ERCC6L2: variants seen among roughly 807,000 people sequenced by gnomAD.
ERCC6L2 encodes ERCC excision repair 6 like 2.
A neutral mutation model predicts 132.0 loss-of-function variants in ERCC6L2; 77 were observed. That is an observed-to-expected ratio of 0.58 (90% CI 0.49 to 0.71). The LOEUF (loss-of-function observed/expected upper bound fraction) is 0.71, where lower values mean the gene tolerates loss of function less well. Ranked by LOEUF, ERCC6L2 falls within the 30% of genes least tolerant of loss-of-function variation. The probability of loss-of-function intolerance (pLI) is 0.00; values close to 1 mark genes in which losing one functional copy is unlikely to be tolerated. For synonymous variants in ERCC6L2, 583 were observed against 632.4 expected (o/e 0.92, Z 1.17); for missense variants, 1,542 against 1,837.6 (o/e 0.84, Z 2.94).
At chr9:95,954,535 C>CA (rs1164590423) in intron 12 of ERCC6L2, among the ~76,000 whole-genome samples, 1 of 152,176 alleles carries the variant, frequency 6.6e-6, no homozygotes, top group Non-Finnish European at 1.5e-5. Flanking sequence ...GGTGAAAACT[C>CA]ATCACTTACA....
chr9:95,982,453 G>A (rs183192326), intron 17 of ERCC6L2, among the ~76,000 whole-genome samples: 5 of 152,134 alleles, frequency 3.3e-5, no homozygotes, highest in Admixed American at 6.6e-5. Flanking sequence ...CAGACTTTGG[G>A]GAGATAGAGC....
At position 95,881,062 on chromosome 9, in the gene ERCC6L2, G is replaced by C; in HGVS notation, c.240G>C (p.Arg80Ser). The C allele has an allele frequency of 6.2e-7, 1 of 1,613,402 alleles. No individual in the cohort carries two copies. The highest frequency in any genetic ancestry group is 2.2e-5 in the East Asian group (1 of 44,844). The change falls in exon 2 of 19, where the codon AGG (arginine) becomes AGC (serine). Residue 80 changes from arginine (R) to serine (S), a missense_variant. Physicochemically the swap from Arg to Ser is moderately radical, Grantham distance 110. Transcript: ENST00000653738. ...TGAAATTTGTTAAAGATTGCCCTAGGAATCTTATATTTGATGATGAAGATT... is the reference window on the plus strand; with the variant it reads ...TGAAATTTGTTAAAGATTGCCCTAGCAATCTTATATTTGATGATGAAGATT... ...QEVKFVKDCP[R>S]NLIFDDEDLE... is the part of the protein sequence containing the mutation.
intron 12 of ERCC6L2, among the ~76,000 whole-genome samples, chr9:95,955,077 A>G (rs1235714503): frequency 6.6e-6 from 1 of 152,232 alleles, no homozygotes; most frequent in Non-Finnish European, 1.5e-5. Flanking sequence ...GGGTGCTCAT[A>G]CAGAGCATCC....
At chr9:95,891,698 C>T (rs1274767558) in intron 2 of ERCC6L2, among the ~76,000 whole-genome samples, 1 of 151,946 alleles carries the variant, frequency 6.6e-6, no homozygotes, top group Non-Finnish European at 1.5e-5. Flanking sequence ...CACATCATTG[C>T]CAACACTTGT....
At chr9:95,981,399 T>C (rs1034295346) in intron 17 of ERCC6L2, among the ~76,000 whole-genome samples, 1 of 152,250 alleles carries the variant, frequency 6.6e-6, no homozygotes, top group African/African-American at 2.4e-5. Flanking sequence ...TCTTACAGTT[T>C]ATAATTTTAT....
intron 9 of ERCC6L2, among the ~76,000 whole-genome samples, chr9:95,925,909 T>C (rs1020255545): frequency 8.6e-5 from 13 of 151,982 alleles, no homozygotes; most frequent in Admixed American, 6.6e-5. Flanking sequence ...AACAATCCAA[T>C]TGAAAAATGG....
chr9:95,927,605 A>C (rs144053696), intron 9 of ERCC6L2, among the ~76,000 whole-genome samples: 6 of 152,172 alleles, frequency 3.9e-5, no homozygotes, highest in African/African-American at 1.4e-4. Context: ...TGTGTATCTG[A>C]CTGATTATTC....
At chr9:95,951,655 G>C (rs909610225) in intron 12 of ERCC6L2, among the ~76,000 whole-genome samples, 2 of 152,148 alleles carry the variant, frequency 1.3e-5, no homozygotes, top group African/African-American at 4.8e-5. Flanking sequence ...GAGTTCAAGA[G>C]AGTACTGTGA....
chr9:95,963,916 A>G (rs981003233), intron 13 of ERCC6L2, among the ~76,000 whole-genome samples: 4 of 152,134 alleles, frequency 2.6e-5, no homozygotes, highest in African/African-American at 9.7e-5. Flanking sequence ...CTGCCCTACT[A>G]CTGCTCACGT....
intron 17 of ERCC6L2, among the ~76,000 whole-genome samples, chr9:95,996,124 G>T (rs1246371457): frequency 1.3e-5 from 2 of 152,232 alleles, no homozygotes; most frequent in Non-Finnish European, 2.9e-5. Context: ...GTTCTGGAAG[G>T]AGATTAAAAG....
intron 12 of ERCC6L2, among the ~76,000 whole-genome samples, chr9:95,953,586 A>AG (rs894350881): frequency 3.6e-4 from 55 of 151,908 alleles, no homozygotes; most frequent in Non-Finnish European, 4.0e-4. Flanking sequence ...AAAAAAAAAA[A>AG]AAACAATGAA....
chr9:95,949,162 G>A (rs942885954), intron 12 of ERCC6L2, among the ~76,000 whole-genome samples: 3 of 152,142 alleles, frequency 2.0e-5, no homozygotes, highest in African/African-American at 7.2e-5. Context: ...CTTGAAGATA[G>A]GTTATTTAAA....
intron 18 of ERCC6L2, among the ~76,000 whole-genome samples, chr9:96,011,218 T>G (rs963701500): frequency 6.6e-5 from 10 of 152,232 alleles, no homozygotes; most frequent in Non-Finnish European, 1.3e-4. Flanking sequence ...GTGAGGGCCC[T>G]CTTCCTGGCT....
At chr9:95,876,522 G>T (rs372396739) in intron 1 of ERCC6L2, 4 of 158,790 alleles carry the variant, frequency 2.5e-5, no homozygotes, top group East Asian at 3.7e-4. Flanking sequence ...GTAGATAAAT[G>T]AAGGTTGAGA....
chr9:95,941,770 T>G (rs1830815467), intron 12 of ERCC6L2, among the ~76,000 whole-genome samples: 1 of 152,084 alleles, frequency 6.6e-6, no homozygotes. Flanking sequence ...CAGAAATGAC[T>G]TAAGAAGAAA....
chr9:95,973,098 GAC>G lies in ERCC6L2; in HGVS notation c.3337+14_3337+15del, dbSNP rs749737868. 6.1e-6 allele frequency: 8 copies of G among 1,305,508 alleles called. 1 individual carries two copies. The South Asian group carries it at 1.0e-4, about 17-fold the overall frequency. 80.9% of individuals were successfully genotyped at this position (1,305,508 alleles called of 1,614,324 possible). On this transcript the variant is annotated intron_variant, in intron 16 of 18. Transcript: ENST00000653738. ...ATGGATAAATTTTTAGGTAACTAAAGACACATTCTCAAAACTTTAAAAAGTAT... is the reference window on the plus strand; with the variant it reads ...ATGGATAAATTTTTAGGTAACTAAAGACATTCTCAAAACTTTAAAAAGTAT...
chr9:96,038,514 C>T (rs79254957), intron 19 of ERCC6L2, among the ~76,000 whole-genome samples: 5,351 of 152,248 alleles, frequency 0.035, 109 homozygotes, highest in South Asian at 0.045. Flanking sequence ...AGGAGCCCAG[C>T]GGGGCCAGAA....
In ERCC6L2 at chr9:95,972,844, G is replaced by A; in HGVS notation, c.3093G>A (p.Glu1031=). ...CAAACCAAGTGTATGCAGCAAATGA[G>A]GATCATAACTCTCAGTTTATTGATG... ...NKTNQVYAAN[E]DHNSQFIDDY... The change falls in exon 16 of 19, where the codon GAG becomes GAA. Residue 1031 remains glutamate (E), a synonymous_variant. Coordinates refer to ENST00000653738, the MANE Select transcript of ERCC6L2 (RefSeq NM_020207.7). 7.7e-7 allele frequency: 1 copy of A among 1,304,986 alleles called. No individual in the cohort carries two copies. Among genetic ancestry groups the A allele is most frequent in the Non-Finnish European group, 1.0e-6 (1 of 988,876 alleles). The allele number at this position is 1,304,986 out of a possible 1,614,324, so 80.8% of individuals were successfully genotyped here. A position where few individuals can be genotyped will look rare whatever the true frequency, so the allele number is the denominator to read the frequency against.
Position 95,922,350 on chromosome 9 carries a change from C to G in ERCC6L2, c.1345C>G (p.Leu449Val), listed in dbSNP as rs202143780. ...ETVKTLYLSY[L>V]TVLQKVANHV... ...AGTGAAAACCTTGTATCTCAGTTAC[C>G]TTACAGTCCTTCAGAAGGTAGCTAA... The change falls in exon 8 of 19, where the codon CTT becomes GTT. Residue 449 changes from leucine (L) to valine (V), a missense_variant. Coordinates refer to ENST00000653738, the MANE Select transcript of ERCC6L2 (RefSeq NM_020207.7). The G allele has an allele frequency of 6.2e-7, 1 of 1,613,358 alleles. No homozygotes were observed. The highest frequency in any genetic ancestry group is 2.2e-5 in the East Asian group (1 of 44,834).
Sources: gnomAD v4.1 joint callset for allele counts (sites outside exome capture counted in the v4.1 genomes callset) on GRCh38, gnomAD v4.1.1 for gene constraint, MANE v1.5 for transcripts, NCBI Gene and HGNC (gene_info 2026-07-23, HGNC 2026-07-21) for gene names.